The following CLEC16A variants were observed in gnomAD, a reference collection of about 807,000 sequenced individuals.
CLEC16A encodes the protein C-type lectin domain containing 16A.
A neutral mutation model predicts 109.5 loss-of-function variants in CLEC16A; 51 were observed. The observed-to-expected ratio is 0.47, with a 90% CI of 0.37 to 0.59. CLEC16A has a LOEUF of 0.59. Among genes scored for constraint, CLEC16A ranks in the 20% least tolerant of loss-of-function variants. The pLI, the probability that CLEC16A is intolerant of heterozygous loss-of-function variation, is 0.00. For synonymous variants in CLEC16A, 673 were observed against 564.2 expected (o/e 1.19, Z -2.73); for missense variants, 1,339 against 1,394.0 (o/e 0.96, Z 0.63).
intron 10 of CLEC16A, among the ~76,000 whole-genome samples, chr16:10,985,713 ATTTAT>A (rs1367753940): frequency 6.6e-6 from 1 of 150,906 alleles, no homozygotes; most frequent in East Asian, 1.9e-4. Context: ...AGCATTGTTT[ATTTAT>A]TTTTATTTAT....
chr16:11,157,259 G>T, intron 22 of CLEC16A: 4 of 1,185,500 alleles, frequency 3.4e-6, no homozygotes, highest in South Asian at 1.7e-5. Flanking sequence ...TCAGTGATGT[G>T]GGGGTCGCCC....
chr16:10,944,813 G>GT lies in CLEC16A; in HGVS notation c.80+17dup. 1 of 1,591,396 alleles carries GT rather than the reference G, an allele frequency of 6.3e-7. No individual in the cohort carries two copies. The highest frequency in any genetic ancestry group is 8.6e-7 in the Non-Finnish European group (1 of 1,167,168). The stretch of plus-strand genomic sequence containing the variant: ...ACCACCTCAAGTGAGTGTGGGGGGC[G>GT]TAGCGGGAGGCCTCGGGGCTGGACA... On this transcript the variant is annotated intron_variant, in intron 1 of 23. Transcript: ENST00000409790.
chr16:11,073,112 A>T (rs1326964630), intron 19 of CLEC16A, among the ~76,000 whole-genome samples: 6 of 152,196 alleles, frequency 3.9e-5, no homozygotes, highest in Non-Finnish European at 7.4e-5. Context: ...ACTAATGTTA[A>T]CATGAAACCC....
chr16:10,959,016 TGTG>T lies in CLEC16A; in HGVS notation c.209+1107_209+1109del, dbSNP rs1470954480. 4.6e-5 allele frequency among the ~76,000 whole-genome samples: 4 copies of T among 86,370 alleles called. No homozygotes were observed. In the East Asian group the frequency reaches 1.1e-3, roughly 23 times the overall value. 56.7% of individuals were successfully genotyped at this position (86,370 alleles called of 152,430 possible). On this transcript the variant is annotated intron_variant, in intron 2 of 23. Transcript: ENST00000409790. ...GGTTATGACAACCACTAAACACGGGTGTGTGTGTGTGTGTGTGTGTGTGTGTGT... is the reference window on the plus strand; with the variant it reads ...GGTTATGACAACCACTAAACACGGGTTGTGTGTGTGTGTGTGTGTGTGTGT...
intron 19 of CLEC16A, among the ~76,000 whole-genome samples, chr16:11,105,539 C>T (rs2051165473): frequency 6.6e-6 from 1 of 152,164 alleles, no homozygotes; most frequent in Admixed American, 6.5e-5. Context: ...TTTTCCTGGC[C>T]ACTGTGAAAA....
intron 13 of CLEC16A, among the ~76,000 whole-genome samples, chr16:11,032,066 A>G (rs1246869730): frequency 6.6e-6 from 1 of 152,202 alleles, no homozygotes; most frequent in Non-Finnish European, 1.5e-5. Context: ...TCAGCACAAT[A>G]GAGGGTCACT....
intron 19 of CLEC16A, among the ~76,000 whole-genome samples, chr16:11,112,180 A>G (rs1424692088): frequency 6.6e-6 from 1 of 152,198 alleles, no homozygotes; most frequent in Non-Finnish European, 1.5e-5. Context: ...GGAGAGGAGA[A>G]CATAGCCCCA....
chr16:11,057,005 A>G (rs1327489594), intron 18 of CLEC16A: 1 of 152,244 alleles, frequency 6.6e-6, no homozygotes, highest in Admixed American at 6.5e-5. Flanking sequence ...CCAGTATTAC[A>G]TTATTTTCAA....
Position 10,944,651 on chromosome 16 carries a change from G to C in CLEC16A, c.-67G>C. On this transcript the variant is annotated 5_prime_UTR_variant, in exon 1 of 24. Coordinates refer to ENST00000409790, the MANE Select transcript of CLEC16A (RefSeq NM_015226.3). ...CATCCTCCGCTTGTGCTACCGCCGC[G>C]GGCGCTGGGCCGCTCTGCTGGTCCG... The C allele has an allele frequency of 6.8e-7, 1 of 1,461,700 alleles. No individual in the cohort carries two copies. The highest frequency in any genetic ancestry group is 2.4e-5 in the East Asian group (1 of 41,078). 90.5% of individuals were successfully genotyped at this position (1,461,700 alleles called of 1,614,324 possible).
intron 17 of CLEC16A, among the ~76,000 whole-genome samples, chr16:11,051,144 A>G (rs2047918581): frequency 6.6e-6 from 1 of 152,216 alleles, no homozygotes. Context: ...AGGAGGAAGC[A>G]GGTGGCAGAC....
chr16:11,090,930 A>G (rs937504623), intron 19 of CLEC16A, among the ~76,000 whole-genome samples: 4 of 147,272 alleles, frequency 2.7e-5, no homozygotes, highest in Non-Finnish European at 5.9e-5. Context: ...TCAGCCTCCC[A>G]AAGTGCTGGG....
At chr16:11,021,924 A>T (rs1018603708) in intron 12 of CLEC16A, among the ~76,000 whole-genome samples, 1 of 152,192 alleles carries the variant, frequency 6.6e-6, no homozygotes, top group Non-Finnish European at 1.5e-5. Flanking sequence ...AATGGAAGAG[A>T]AACACCCATG....
At chr16:11,059,226 T>C (rs1007318461) in intron 18 of CLEC16A, among the ~76,000 whole-genome samples, 2 of 152,230 alleles carry the variant, frequency 1.3e-5, no homozygotes, top group African/African-American at 4.8e-5. Flanking sequence ...TTTTGAATTT[T>C]TTAATGGAAC....
intron 19 of CLEC16A, among the ~76,000 whole-genome samples, chr16:11,099,738 C>G (rs1200583735): frequency 6.6e-6 from 1 of 152,176 alleles, no homozygotes; most frequent in Non-Finnish European, 1.5e-5. Context: ...ACCTCCTCAC[C>G]CAGGTGCGAG....
chr16:11,020,263 G>A lies in CLEC16A; in HGVS notation c.1374G>A (p.Gln458=). Residue 458 remains glutamine, a synonymous_variant, in exon 12 of 24, where the codon CAG becomes CAA. Transcript: ENST00000409790. ...ELAASTSVQE[Q]NTTDEEKSAA... Reference sequence around the variant, plus strand: ...CCGCCAGCACCTCCGTGCAGGAGCAGAACACCACGGACGAGGAGAAAAGCG... The same window carrying A: ...CCGCCAGCACCTCCGTGCAGGAGCAAAACACCACGGACGAGGAGAAAAGCG... 6.2e-7 allele frequency: 1 copy of A among 1,613,898 alleles called. No homozygotes were observed. The highest frequency in any genetic ancestry group is 1.1e-5 in the South Asian group (1 of 91,064).
intron 11 of CLEC16A, among the ~76,000 whole-genome samples, chr16:11,003,774 A>G (rs1274058570): frequency 6.6e-5 from 10 of 152,156 alleles, no homozygotes; most frequent in South Asian, 6.2e-4. Context: ...ATTATTCCCA[A>G]TAACCTGGGG....
intron 3 of CLEC16A, among the ~76,000 whole-genome samples, chr16:10,968,655 C>T (rs960269020): frequency 6.6e-6 from 1 of 152,162 alleles, no homozygotes; most frequent in African/African-American, 2.4e-5. Flanking sequence ...TCATGTAAAG[C>T]ACTCAGCCTA....
In CLEC16A at chr16:11,115,950, A is replaced by G. The variant is rs185425047; in HGVS notation, c.2117-4665A>G. 6.3e-3 allele frequency among the ~76,000 whole-genome samples: 950 copies of G among 151,936 alleles called. 6 individuals carry two copies. The highest frequency in any genetic ancestry group is 0.011 in the Non-Finnish European group (767 of 67,972). On this transcript the variant is annotated intron_variant, in intron 19 of 23. Transcript: ENST00000409790. ...CAGGATGAACTCTTGGGCTCAAGCAATCCTCCCACCTTGGCCTCCCATAGT... is the reference window on the plus strand; with the variant it reads ...CAGGATGAACTCTTGGGCTCAAGCAGTCCTCCCACCTTGGCCTCCCATAGT...
intron 22 of CLEC16A, among the ~76,000 whole-genome samples, chr16:11,134,567 G>A (rs2053449129): frequency 1.3e-5 from 2 of 152,152 alleles, no homozygotes; most frequent in African/African-American, 4.8e-5. Flanking sequence ...CAAGATGCTT[G>A]GGACCATGAG....
Sources: gnomAD v4.1 joint callset for allele counts (sites outside exome capture counted in the v4.1 genomes callset) on GRCh38, gnomAD v4.1.1 for gene constraint, MANE v1.5 for transcripts, NCBI Gene and HGNC (gene_info 2026-07-23, HGNC 2026-07-21) for gene names.